The following QTRT2 variants were observed in gnomAD, a reference collection of about 807,000 sequenced individuals.
QTRT2 encodes queuine tRNA-ribosyltransferase domain containing 1.
Under a neutral mutation model 44.8 loss-of-function variants are expected in QTRT2, and 32 were observed. That is an observed-to-expected ratio of 0.71 (90% CI 0.54 to 0.96). The LOEUF is 0.96. QTRT2 is among the 40% of genes least tolerant of loss of function. The pLI is 0.00. For synonymous variants in QTRT2, 182 were observed against 187.4 expected, an observed-to-expected ratio of 0.97 and a Z score of 0.24; for missense variants, 461 against 503.1, an observed-to-expected ratio of 0.92 and a Z score of 0.80.
chr3:114,078,076 A>C (rs1040146950), intron 7 of QTRT2: 1 of 152,144 alleles, frequency 6.6e-6, no homozygotes, highest in African/African-American at 2.4e-5. Flanking sequence ...TAATTTTCAC[A>C]TGTCTACACT....
chr3:114,065,577 A>C, intron 3 of QTRT2, 120 bp downstream of exon 3: 2 of 765,348 alleles, frequency 2.6e-6, no homozygotes, highest in Non-Finnish European at 4.2e-6. Context: ...TTCATAATGA[A>C]ATCAGAAGAG....
In QTRT2 at chr3:114,068,037, T is replaced by G; in HGVS notation, c.307T>G (p.Cys103Gly). ...YCSLHDPVSP[C>G]PAGYVTNKSV... ...CTCCCTGCACGATCCAGTCAGCCCC[T>G]GCCCGGCTGGTTATGTAACAAACAA... Residue 103 changes from cysteine to glycine, a missense_variant, in exon 5 of 10, where the codon TGC becomes GGC. Physicochemically the swap from Cys to Gly is radical, Grantham distance 159. Coordinates refer to ENST00000281273, the MANE Select transcript of QTRT2 (RefSeq NM_024638.4). The G allele has an allele frequency of 6.2e-7, 1 of 1,613,900 alleles. No homozygotes were observed. Among genetic ancestry groups the G allele is most frequent in the South Asian group, 1.1e-5 (1 of 91,082 alleles).
At position 114,065,350 on chromosome 3, in the gene QTRT2, A is replaced by T; in HGVS notation, c.93A>T (p.Pro31=). 7 of 1,614,146 alleles carry T rather than the reference A, an allele frequency of 4.3e-6. No homozygotes were observed. Among genetic ancestry groups the T allele is most frequent in the Non-Finnish European group, 5.1e-6 (6 of 1,180,012 alleles). Residue 31 remains proline (P), a synonymous_variant, in exon 3 of 10, where the codon CCA becomes CCT. Transcript: ENST00000281273. ...GKTGDHTMDI[P]GCLLYTKTGS... ...CAGGGGACCACACCATGGATATTCCAGGCTGCCTTCTGTATACCAAGACTG... is the reference window on the plus strand; with the variant it reads ...CAGGGGACCACACCATGGATATTCCTGGCTGCCTTCTGTATACCAAGACTG...
At chr3:114,057,957 C>A (rs1025992584) in intron 2 of QTRT2, among the ~76,000 whole-genome samples, 7 of 152,210 alleles carry the variant, frequency 4.6e-5, no homozygotes, top group Non-Finnish European at 1.0e-4. Context: ...GATGGAACTT[C>A]TAATAAGCTC....
intron 9 of QTRT2, chr3:114,083,061 T>A (rs1296244958): frequency 1.4e-5 from 6 of 414,028 alleles, no homozygotes; most frequent in Non-Finnish European, 2.3e-5. Context: ...TTGTTTGGCG[T>A]CTTGTATTCC....
chr3:114,076,831 G>C lies in QTRT2; in HGVS notation c.635G>C (p.Arg212Pro). Residue 212 changes from arginine to proline, a missense_variant, in exon 7 of 10, where the codon CGG (arginine) becomes CCG (proline). Arg to Pro is a moderately radical substitution (Grantham distance 103). Coordinates refer to ENST00000281273, the MANE Select transcript of QTRT2 (RefSeq NM_024638.4). ...RLRSARETAK[R>P]PVGGFLLDGF... ...AGGTCAGCACGAGAGACAGCCAAGC[G>C]GCCTGTGGGTGGCTTCCTTCTGGAT... 6.2e-7 allele frequency: 1 copy of C among 1,614,196 alleles called. No individual in the cohort carries two copies. Among genetic ancestry groups the C allele is most frequent in the South Asian group, 1.1e-5 (1 of 91,086 alleles).
Position 114,070,660 on chromosome 3 carries a change from A to G in QTRT2, c.368A>G (p.Glu123Gly). 2 of 1,614,160 alleles carry G rather than the reference A, an allele frequency of 1.2e-6. No homozygotes were observed. The highest frequency in any genetic ancestry group is 1.7e-6 in the Non-Finnish European group (2 of 1,179,992). Residue 123 changes from glutamate (E) to glycine (G), a missense_variant, in exon 6 of 10, where the codon GAA becomes GGA. Transcript: ENST00000281273. ...GTGTGGAGTGTTGCAGGACGAGTGG[A>G]AATGACTGTTTCCAAGTTCATGGCA... is the stretch of plus-strand genomic sequence containing the variant. ...VSVWSVAGRV[E>G]MTVSKFMAIQ... is the part of the protein sequence containing the mutation.
chr3:114,060,710 T>C (rs933124155), intron 2 of QTRT2, among the ~76,000 whole-genome samples: 1 of 142,938 alleles, frequency 7.0e-6, no homozygotes, highest in Non-Finnish European at 1.6e-5. Context: ...CAGTCTTTTT[T>C]CTTTTCCTAG....
In QTRT2 at chr3:114,086,871, C is replaced by T. The variant is rs992306256; in HGVS notation, c.*967C>T. On this transcript the variant is annotated 3_prime_UTR_variant, in exon 10 of 10. Coordinates refer to ENST00000281273, the MANE Select transcript of QTRT2 (RefSeq NM_024638.4). ...TAGGAATGAATGAACTTTTAAGATACTGTCTAGCTCTAAAATTGGAAGAAC... is the reference window on the plus strand; with the variant it reads ...TAGGAATGAATGAACTTTTAAGATATTGTCTAGCTCTAAAATTGGAAGAAC... 6.6e-6 allele frequency: 1 copy of T among 152,222 alleles called. No homozygotes were observed. Among genetic ancestry groups the T allele is most frequent in the African/African-American group, 2.4e-5 (1 of 41,462 alleles). 9.4% of individuals were successfully genotyped at this position (152,222 alleles called of 1,614,324 possible).
At chr3:114,056,970 C>T (rs1177810162) in intron 1 of QTRT2, 29 bp from the exon 2 acceptor site, 2 of 1,470,776 alleles carry the variant, frequency 1.4e-6, no homozygotes, top group Non-Finnish European at 1.8e-6. Context: ...ATTGTACTCC[C>T]GCCATGTCTC....
At chr3:114,079,823 T>C in intron 7 of QTRT2, 83 bp from the exon 8 acceptor site, 1 of 1,308,404 alleles carries the variant, frequency 7.6e-7, no homozygotes, top group South Asian at 1.2e-5. Flanking sequence ...ACTATTTTTT[T>C]AGTGCCTTGT....
At position 114,066,266 on chromosome 3, in the gene QTRT2, G is replaced by A; in HGVS notation, c.239G>A (p.Gly80Glu). 28 of 1,606,632 alleles carry A rather than the reference G, an allele frequency of 1.7e-5. No homozygotes were observed. Among genetic ancestry groups the A allele is most frequent in the Non-Finnish European group, 2.4e-5 (28 of 1,173,522 alleles). ...HHEVLTEYKE[G>E]VGKFIGMPES... The stretch of plus-strand genomic sequence containing the variant: ...GAAGTCTTGACAGAATATAAAGAAG[G>A]AGTTGGAAAGTTTATAGGTAAAAAT... The change falls in exon 4 of 10, where the codon GGA becomes GAA. Residue 80 changes from glycine to glutamate, a missense_variant. By Grantham distance (98) the Gly-to-Glu change is moderately conservative (BLOSUM62 -2). Coordinates refer to ENST00000281273, the MANE Select transcript of QTRT2 (RefSeq NM_024638.4).
Position 114,065,372 on chromosome 3 carries a change from A to G in QTRT2, c.115A>G (p.Thr39Ala), listed in dbSNP as rs2076938575. Residue 39 changes from threonine (T) to alanine (A), a missense_variant, in exon 3 of 10, where the codon ACT becomes GCT. By Grantham distance (58) the Thr-to-Ala change is moderately conservative. Transcript: ENST00000281273. Reference protein sequence around the residue: ...DIPGCLLYTKTGSAPHLTHHT... With the variant: ...DIPGCLLYTKAGSAPHLTHHT... ...TCCAGGCTGCCTTCTGTATACCAAG[A>G]CTGGCTCCGCCCCACACCTCACCCA... 2 of 1,614,148 alleles carry G rather than the reference A, an allele frequency of 1.2e-6. No homozygotes were observed. The highest frequency in any genetic ancestry group is 1.3e-5 in the African/African-American group (1 of 75,044).
In QTRT2 at chr3:114,060,693, C is replaced by T. The variant is rs188522684; in HGVS notation, c.-22+3587C>T. On this transcript the variant is annotated intron_variant, in intron 2 of 9. Transcript: ENST00000281273. ...GCACAGTAGTAGATGTTAGTCACCT[C>T]GGCAAACAGTCTTTTTTCTTTTCCT... 1.9e-3 allele frequency among the ~76,000 whole-genome samples: 285 copies of T among 152,010 alleles called. 1 individual carries two copies. Among genetic ancestry groups the T allele is most frequent in the Admixed American group, 4.1e-3 (62 of 15,296 alleles).
chr3:114,061,607 C>T (rs561740189), intron 2 of QTRT2, among the ~76,000 whole-genome samples: 7 of 152,266 alleles, frequency 4.6e-5, no homozygotes, highest in Admixed American at 4.6e-4. Context: ...GACAGGATCT[C>T]CCTCTGTTGC....
intron 6 of QTRT2, among the ~76,000 whole-genome samples, 199 bp from the exon 7 acceptor site, chr3:114,076,544 T>C (rs923333908): frequency 6.6e-6 from 1 of 152,182 alleles, no homozygotes; most frequent in Non-Finnish European, 1.5e-5. Context: ...CTTACCTGAT[T>C]GGTAAAGTAT....
chr3:114,080,620 C>T (rs2077155152), intron 8 of QTRT2, among the ~76,000 whole-genome samples: 1 of 152,092 alleles, frequency 6.6e-6, no homozygotes, highest in African/African-American at 2.4e-5. Flanking sequence ...CTAACACTTA[C>T]CTGGAGGTAG....
chr3:114,082,987 CA>C, intron 9 of QTRT2, 193 bp downstream of exon 9: 1 of 559,756 alleles, frequency 1.8e-6, no homozygotes, highest in Non-Finnish European at 3.3e-6. Flanking sequence ...TTCGTCTTGT[CA>C]GAAGACTGGA....
intron 9 of QTRT2, among the ~76,000 whole-genome samples, chr3:114,083,897 G>T (rs1027634667): frequency 1.3e-5 from 2 of 151,802 alleles, no homozygotes; most frequent in Admixed American, 6.6e-5. Context: ...AAAATTTTAG[G>T]GTAATATAAA....
Sources: allele counts gnomAD v4.1 joint callset (sites outside exome capture counted in the v4.1 genomes callset), GRCh38; gene constraint gnomAD v4.1.1; transcripts MANE v1.5; gene names NCBI Gene and HGNC (gene_info 2026-07-23, HGNC 2026-07-21).